PLEKHA7: variants seen among roughly 807,000 people sequenced by gnomAD.
The protein encoded by PLEKHA7 is pleckstrin homology domain-containing family A member 7.
PLEKHA7 carries 104 observed loss-of-function variants against 170.0 expected under a neutral mutation model. That is an observed-to-expected ratio of 0.61 (90% CI 0.52 to 0.72). PLEKHA7 has a LOEUF of 0.72. PLEKHA7 is among the 30% of genes least tolerant of loss of function. PLEKHA7 has a pLI of 0.00. For missense variants in PLEKHA7, 1,615 were observed against 1,671.7 expected, an observed-to-expected ratio of 0.97 and a Z score of 0.59; for synonymous variants, 648 against 660.8, an observed-to-expected ratio of 0.98 and a Z score of 0.30.
chr11:16,841,185 G>A (rs1033816729), intron 9 of PLEKHA7, among the ~76,000 whole-genome samples: 3 of 152,138 alleles, frequency 2.0e-5, no homozygotes, highest in South Asian at 2.1e-4. Context: ...GGGAGCAACC[G>A]GAAGATCACT....
At chr11:16,850,553 C>A (rs1852845158) in intron 8 of PLEKHA7, among the ~76,000 whole-genome samples, 2 of 152,190 alleles carry the variant, frequency 1.3e-5, no homozygotes, top group South Asian at 4.1e-4. Context: ...CCTAAACACA[C>A]CTTCCAAGAG....
Position 16,817,076 on chromosome 11 carries a change from C to A in PLEKHA7, c.1590G>T (p.Gln530His). ...VWQLYEWQQRQQFRHGSPTAP... is the reference protein window; with the variant it reads ...VWQLYEWQQRHQFRHGSPTAP... ...CTGTGGGGCTGCCGTGCCGGAACTG[C>A]TGGCGCTGCTGCCACTCGTAGAGCT... Residue 530 changes from glutamine (Q) to histidine (H), a missense_variant, in exon 11 of 27, where the codon CAG (glutamine) becomes CAT (histidine). Transcript: ENST00000531066. The surrounding 1 kb of genome is among the most constrained non-coding windows in gnomAD (Gnocchi z 4.4). 1.2e-6 allele frequency: 2 copies of A among 1,612,940 alleles called. No homozygotes were observed. Among genetic ancestry groups the A allele is most frequent in the East Asian group, 2.2e-5 (1 of 44,838 alleles).
intron 3 of PLEKHA7, among the ~76,000 whole-genome samples, chr11:16,978,396 C>T (rs1863201525): frequency 6.6e-6 from 1 of 152,112 alleles, no homozygotes; most frequent in Non-Finnish European, 1.5e-5. Flanking sequence ...ACATGAGTAA[C>T]AAGAGAGAGA....
chr11:16,844,042 C>T (rs558022914), intron 8 of PLEKHA7, among the ~76,000 whole-genome samples: 93 of 152,310 alleles, frequency 6.1e-4, no homozygotes, highest in African/African-American at 2.2e-3. Flanking sequence ...CATGATCACA[C>T]AAGATCTCTG....
chr11:16,920,529 T>A (rs1859011676), intron 3 of PLEKHA7, among the ~76,000 whole-genome samples: 1 of 152,238 alleles, frequency 6.6e-6, no homozygotes, highest in Non-Finnish European at 1.5e-5. Context: ...ATTTCCTCCA[T>A]CTTCTTTGTA....
chr11:16,842,959 C>T (rs562790260), intron 8 of PLEKHA7, among the ~76,000 whole-genome samples: 1 of 152,010 alleles, frequency 6.6e-6, no homozygotes, highest in South Asian at 2.1e-4. Context: ...ACAGATTCTT[C>T]ACAGCACTTA....
At chr11:16,810,886 C>T (rs193170902) in intron 13 of PLEKHA7, among the ~76,000 whole-genome samples, 1 of 152,222 alleles carries the variant, frequency 6.6e-6, no homozygotes, top group East Asian at 1.9e-4. Flanking sequence ...GCTGTGTAGG[C>T]TTGGGAAACT....
At chr11:16,870,944 A>G (rs1382649770) in intron 4 of PLEKHA7, among the ~76,000 whole-genome samples, 155 bp downstream of exon 4, 2 of 152,224 alleles carry the variant, frequency 1.3e-5, no homozygotes, top group African/African-American at 4.8e-5. Context: ...AGGTTGAAAA[A>G]TAAAATTCTT....
intron 8 of PLEKHA7, among the ~76,000 whole-genome samples, chr11:16,848,987 C>A (rs2135388335): frequency 6.6e-6 from 1 of 152,308 alleles, no homozygotes; most frequent in Non-Finnish European, 1.5e-5. Context: ...AAGAAGGATG[C>A]TGCAACTCAA....
intron 23 of PLEKHA7, chr11:16,788,798 C>A: frequency 6.1e-6 from 3 of 493,406 alleles, no homozygotes; most frequent in Non-Finnish European, 1.1e-5. Flanking sequence ...CTGAATTCAG[C>A]CGAGATTCCG....
intron 3 of PLEKHA7, among the ~76,000 whole-genome samples, chr11:16,986,925 C>A (rs1179165693): frequency 2.0e-5 from 3 of 152,196 alleles, no homozygotes; most frequent in African/African-American, 7.2e-5. Flanking sequence ...ACAAGGTGGT[C>A]CAAGCAGGTA....
At position 17,007,285 on chromosome 11, in the gene PLEKHA7, A is replaced by G. The variant is rs562673560; in HGVS notation, c.221+6704T>C. On this transcript the variant is annotated intron_variant, in intron 3 of 26. Coordinates refer to ENST00000531066, the MANE Select transcript of PLEKHA7 (RefSeq NM_001329630.2). ...TATAAAATTTATGCTAATAATTTAAACTTAATTTTTCTTTATGTAGAATTA... is the reference window on the plus strand; with the variant it reads ...TATAAAATTTATGCTAATAATTTAAGCTTAATTTTTCTTTATGTAGAATTA... 4.6e-5 allele frequency among the ~76,000 whole-genome samples: 7 copies of G among 152,334 alleles called. No homozygotes were observed. The East Asian group carries it at 9.6e-4, about 21-fold the overall frequency.
chr11:16,815,438 C>T (rs1849678145), intron 12 of PLEKHA7: 1 of 152,362 alleles, frequency 6.6e-6, no homozygotes, highest in South Asian at 2.1e-4. Flanking sequence ...GTCATTAGGA[C>T]AAATAAAGGC....
At position 16,786,342 on chromosome 11, in the gene PLEKHA7, C is replaced by T. The variant is rs1428562813; in HGVS notation, c.3403G>A (p.Val1135Met). 1.4e-5 allele frequency: 21 copies of T among 1,536,008 alleles called. No individual in the cohort carries two copies. Among genetic ancestry groups the T allele is most frequent in the Middle Eastern group, 1.7e-4 (1 of 6,012 alleles). The change falls in exon 24 of 27, where the codon GTG becomes ATG. Residue 1135 changes from valine (V) to methionine (M), a missense_variant. By Grantham distance (21) the Val-to-Met change is conservative. Coordinates refer to ENST00000531066, the MANE Select transcript of PLEKHA7 (RefSeq NM_001329630.2). ...DFDLQLLERV[V>M]QGEKKDKEEN... Reference sequence around the variant, plus strand: ...TCCTTGTCCTTTTTTTCCCCTTGCACGACCCGTTCCAGCAACTGCAGGTCA... The same window carrying T: ...TCCTTGTCCTTTTTTTCCCCTTGCATGACCCGTTCCAGCAACTGCAGGTCA...
chr11:16,970,067 C>T (rs1438699370), intron 3 of PLEKHA7, among the ~76,000 whole-genome samples: 1 of 152,176 alleles, frequency 6.6e-6, no homozygotes, highest in African/African-American at 2.4e-5. Context: ...CCTCTTCAAA[C>T]ACTTAAAAGG....
Position 16,841,715 on chromosome 11 carries a change from T to A in PLEKHA7, c.704A>T (p.His235Leu). ...ISRKYSFKAV[H>L]TGMRALIYNS... ...ATAGATGAGCGCTCGCATCCCCGTG[T>A]GCACAGCCTGTAGCATGAAGGCAGA... The change falls in exon 9 of 27, where the codon CAC becomes CTC. Residue 235 changes from histidine to leucine, a missense_variant. By Grantham distance (99) the His-to-Leu change is moderately conservative (BLOSUM62 -3). Transcript: ENST00000531066. The A allele has an allele frequency of 6.2e-7, 1 of 1,613,884 alleles. No homozygotes were observed. Among genetic ancestry groups the A allele is most frequent in the Non-Finnish European group, 8.5e-7 (1 of 1,179,928 alleles).
At position 16,811,369 on chromosome 11, in the gene PLEKHA7, A is replaced by G. The variant is rs1162147866; in HGVS notation, c.2007+1744T>C. On this transcript the variant is annotated intron_variant, in intron 13 of 26. Coordinates refer to ENST00000531066, the MANE Select transcript of PLEKHA7 (RefSeq NM_001329630.2). ...CCCAGGTGCACTATGGATGCTCTAC[A>G]GGTATGTCTGAGTGGACTGTTGGGC... Among the ~76,000 whole-genome samples the G allele has an allele frequency of 2.6e-5, 4 of 152,130 alleles. No individual in the cohort carries two copies. The East Asian group carries it at 7.7e-4, about 29-fold the overall frequency.
At chr11:16,892,960 G>A (rs551670963) in intron 3 of PLEKHA7, among the ~76,000 whole-genome samples, 1 of 152,292 alleles carries the variant, frequency 6.6e-6, no homozygotes, top group Admixed American at 6.5e-5. Context: ...TCACATAGTG[G>A]AAGGTGTAAA....
At chr11:16,804,312 T>G in intron 13 of PLEKHA7, among the ~76,000 whole-genome samples, 1 of 152,184 alleles carries the variant, frequency 6.6e-6, no homozygotes, top group East Asian at 1.9e-4. Context: ...GTGTGTGTGC[T>G]ATGCAGAGAG....
Sources: allele counts gnomAD v4.1 joint callset (sites outside exome capture counted in the v4.1 genomes callset), GRCh38; gene constraint gnomAD v4.1.1; non-coding constraint Gnocchi (gnomAD v3.1); transcripts MANE v1.5; gene names NCBI Gene and HGNC (gene_info 2026-07-23, HGNC 2026-07-21).